MORN1: variants seen among roughly 807,000 people sequenced by gnomAD.
The protein encoded by MORN1 is MORN repeat containing 1, also known as MORN repeat-containing protein 1.
MORN1 carries 67 observed loss-of-function variants against 61.9 expected under a neutral mutation model. The observed-to-expected ratio is 1.08, with a 90% CI of 0.89 to 1.33. MORN1 has a LOEUF of 1.33. Among genes scored for constraint, MORN1 ranks in the 40% most tolerant of loss-of-function variants. The pLI, the probability that MORN1 is intolerant of heterozygous loss-of-function variation, is 0.00. For synonymous variants in MORN1, 301 were observed against 292.0 expected (o/e 1.03, Z -0.31); for missense variants, 752 against 691.2 (o/e 1.09, Z -0.99).
chr1:2,345,663 C>T (rs76704012), intron 10 of MORN1, among the ~76,000 whole-genome samples: 193 of 152,316 alleles, frequency 1.3e-3, no homozygotes, highest in African/African-American at 4.4e-3. Context: ...AGGGTCTCCT[C>T]GAGGAACAGA....
In MORN1 at chr1:2,358,316, C is replaced by G. The variant is rs1395475650; in HGVS notation, c.869+276G>C. On this transcript the variant is annotated intron_variant, in intron 9 of 13. Transcript: ENST00000378531. ...GGAGTCCTGATGTCTCCACTCCAGA[C>G]ACGGACCCAGGCCCAGAGGCTTGGG... Among the ~76,000 whole-genome samples the G allele has an allele frequency of 3.2e-4, 48 of 152,140 alleles. 2 individuals are homozygous for G. The highest frequency in any genetic ancestry group is 3.1e-3 in the Admixed American group (48 of 15,292).
chr1:2,373,000 G>C lies in MORN1; in HGVS notation c.635-409C>G, dbSNP rs1642156130. 1.3e-5 allele frequency among the ~76,000 whole-genome samples: 2 copies of C among 152,258 alleles called. No homozygotes were observed. The highest frequency in any genetic ancestry group is 4.8e-5 in the African/African-American group (2 of 41,470). On this transcript the variant is annotated intron_variant, in intron 7 of 13. Transcript: ENST00000378531. This position sits in a 1 kb window ranked among gnomAD's most constrained non-coding sequence, Gnocchi z 5.4. Reference sequence around the variant, plus strand: ...CCCTGAGGTGCTGGACCTGGGACTAGGGCAAGGCCTGGCAAGGGTGGGTCC... The same window carrying C: ...CCCTGAGGTGCTGGACCTGGGACTACGGCAAGGCCTGGCAAGGGTGGGTCC...
intron 10 of MORN1, among the ~76,000 whole-genome samples, chr1:2,343,140 C>T (rs1249638134): frequency 6.6e-6 from 1 of 152,220 alleles, no homozygotes; most frequent in South Asian, 2.1e-4. Context: ...CACTCCAGAG[C>T]TCCTGGGGCC....
At chr1:2,355,613 T>A (rs911992152) in intron 10 of MORN1, 4 of 799,368 alleles carry the variant, frequency 5.0e-6, no homozygotes, top group Admixed American at 5.0e-5. Context: ...GCTGCCGCTT[T>A]CTCCCACTTC....
chr1:2,328,167 G>A (rs954141173), intron 12 of MORN1, among the ~76,000 whole-genome samples: 4 of 152,246 alleles, frequency 2.6e-5, no homozygotes, highest in Non-Finnish European at 4.4e-5. Context: ...AGTCCATGAC[G>A]CGGACACGTT....
Position 2,387,454 on chromosome 1 carries a change from C to G in MORN1, c.323G>C (p.Cys108Ser). Residue 108 changes from cysteine (C) to serine (S), a missense_variant, in exon 4 of 14, where the codon TGT becomes TCT. Cys to Ser is a moderately radical substitution (Grantham distance 112). Transcript: ENST00000378531. Reference sequence around the variant, plus strand: ...GCCGTGGGAGACCTCCCCTTCATAACATCCGCCGGCTTTGTACTCCATGAC... The same window carrying G: ...GCCGTGGGAGACCTCCCCTTCATAAGATCCGCCGGCTTTGTACTCCATGAC... ...YGVMEYKAGG[C>S]YEGEVSHGMR... 6.2e-7 allele frequency: 1 copy of G among 1,613,756 alleles called. No homozygotes were observed. Among genetic ancestry groups the G allele is most frequent in the Middle Eastern group, 1.6e-4 (1 of 6,062 alleles).
At chr1:2,343,609 C>T (rs945676700) in intron 10 of MORN1, among the ~76,000 whole-genome samples, 2 of 152,202 alleles carry the variant, frequency 1.3e-5, no homozygotes, top group African/African-American at 2.4e-5. Flanking sequence ...ACTGCATTCC[C>T]ACGAGCTGTT....
At chr1:2,325,132 TTCCCTCCCTCCC>T (rs779634245) in intron 12 of MORN1, among the ~76,000 whole-genome samples, 31 of 19,522 alleles carry the variant, frequency 1.6e-3, no homozygotes, top group African/African-American at 9.7e-3. Context: ...CCTTCCTTCC[TTCCCTCCCTCCC>T]TCCCTTCCTT....
intron 13 of MORN1, chr1:2,323,255 G>T (rs1000164671): frequency 8.7e-5 from 86 of 985,258 alleles, no homozygotes; most frequent in Non-Finnish European, 1.0e-4. Context: ...CCGGCCACAC[G>T]GGTGCCGTCC....
intron 12 of MORN1, among the ~76,000 whole-genome samples, chr1:2,327,780 C>G (rs1346859771): frequency 1.3e-5 from 2 of 152,272 alleles, no homozygotes; most frequent in Non-Finnish European, 2.9e-5. Context: ...GCTCCCTCCT[C>G]TTGCCTGTGC....
chr1:2,391,032 T>C (rs1642644252), intron 1 of MORN1, among the ~76,000 whole-genome samples: 1 of 152,208 alleles, frequency 6.6e-6, no homozygotes, highest in Admixed American at 6.5e-5. Context: ...AGGCAAAAAC[T>C]GCTTTTGAAA....
intron 8 of MORN1, chr1:2,363,535 T>C (rs902320906): frequency 3.9e-5 from 6 of 152,230 alleles, no homozygotes; most frequent in South Asian, 2.1e-4. Context: ...GGTGGGCAGA[T>C]TGCTTGAGAC....
At chr1:2,353,787 C>T (rs1641702214) in intron 10 of MORN1, among the ~76,000 whole-genome samples, 1 of 152,214 alleles carries the variant, frequency 6.6e-6, no homozygotes, top group Non-Finnish European at 1.5e-5. Context: ...GCAGGGAGGC[C>T]ACATGTCCCC....
At chr1:2,385,122 G>A (rs767173764) in intron 5 of MORN1, 57 bp from the exon 6 acceptor site, 1 of 1,516,596 alleles carries the variant, frequency 6.6e-7, no homozygotes, top group Non-Finnish European at 9.0e-7. Flanking sequence ...TGGTGGCAGT[G>A]ACTCAGACCG....
intron 8 of MORN1, among the ~76,000 whole-genome samples, chr1:2,361,547 G>C (rs967405643): frequency 1.9e-5 from 2 of 104,002 alleles, no homozygotes; most frequent in Non-Finnish European, 3.6e-5. Context: ...GACAGAGTGA[G>C]ACTGTCTCAA....
intron 6 of MORN1, among the ~76,000 whole-genome samples, chr1:2,382,002 C>T (rs1642382841): frequency 6.6e-6 from 1 of 152,200 alleles, no homozygotes; most frequent in Non-Finnish European, 1.5e-5. Context: ...TCTCTCTTGG[C>T]CCAGGGCGCT....
At chr1:2,321,947 C>G (rs1004827533) in intron 13 of MORN1, 10 of 936,462 alleles carry the variant, frequency 1.1e-5, no homozygotes, top group African/African-American at 1.8e-5. Flanking sequence ...CTGAAGGATT[C>G]TTTTGCAAAT....
chr1:2,322,626 C>T (rs1640908273), intron 13 of MORN1: 7 of 985,426 alleles, frequency 7.1e-6, no homozygotes, highest in Non-Finnish European at 8.4e-6. Flanking sequence ...CGGGTGTGGG[C>T]CACAGCACCG....
At chr1:2,373,621 C>T (rs1000845978) in intron 7 of MORN1, among the ~76,000 whole-genome samples, 6 of 152,154 alleles carry the variant, frequency 3.9e-5, no homozygotes, top group Admixed American at 2.6e-4. Flanking sequence ...GCACCTGGGC[C>T]GGGACCCAGG....
Sources: gnomAD v4.1 joint callset for allele counts (sites outside exome capture counted in the v4.1 genomes callset) on GRCh38, gnomAD v4.1.1 for gene constraint, Gnocchi (gnomAD v3.1) non-coding constraint, MANE v1.5 for transcripts, NCBI Gene and HGNC (gene_info 2026-07-23, HGNC 2026-07-21) for gene names.